The following TENM4 variants were observed in gnomAD, a reference collection of about 807,000 sequenced individuals.
TENM4 encodes teneurin-4.
A neutral mutation model predicts 243.3 loss-of-function variants in TENM4; 82 were observed. The ratio of observed to expected loss-of-function variants is 0.34; its 90% CI spans 0.28 to 0.40. TENM4 has a LOEUF of 0.40. Among genes scored for constraint, TENM4 ranks in the 10% least tolerant of loss-of-function variants. The probability of loss-of-function intolerance (pLI) is 1.00; values close to 1 mark genes in which losing one functional copy is unlikely to be tolerated. For missense variants in TENM4, 3,138 were observed against 3,673.3 expected (o/e 0.85, Z 3.77); for synonymous variants, 1,412 against 1,456.3 (o/e 0.97, Z 0.69).
chr11:79,067,492 G>T (rs1194850674), intron 5 of TENM4, among the ~76,000 whole-genome samples: 1 of 152,152 alleles, frequency 6.6e-6, no homozygotes, highest in Non-Finnish European at 1.5e-5. Flanking sequence ...TACATTAAGT[G>T]AAAAATCAAA....
chr11:79,404,524 A>G (rs974174904), intron 1 of TENM4, among the ~76,000 whole-genome samples: 2 of 152,260 alleles, frequency 1.3e-5, no homozygotes, highest in Non-Finnish European at 2.9e-5. Flanking sequence ...TTGGACCTAC[A>G]TAGAGGCGAT....
intron 6 of TENM4, among the ~76,000 whole-genome samples, chr11:78,940,390 G>A (rs1438422710): frequency 6.6e-6 from 1 of 152,138 alleles, no homozygotes; most frequent in African/African-American, 2.4e-5. Flanking sequence ...TTCTGCCAAG[G>A]GGTAGGCTAA....
At chr11:79,126,856 C>A in intron 4 of TENM4, among the ~76,000 whole-genome samples, 1 of 152,112 alleles carries the variant, frequency 6.6e-6, no homozygotes, top group Admixed American at 6.6e-5. Flanking sequence ...AGACATCTGG[C>A]CTTTTACTAC....
chr11:78,997,929 C>G (rs1268482559), intron 6 of TENM4, among the ~76,000 whole-genome samples: 1 of 152,176 alleles, frequency 6.6e-6, no homozygotes, highest in Admixed American at 6.5e-5. Context: ...AGTCTTCTCT[C>G]TCTCTTCTCT....
intron 2 of TENM4, among the ~76,000 whole-genome samples, chr11:79,292,581 A>G (rs1856374819): frequency 6.6e-6 from 1 of 152,202 alleles, no homozygotes; most frequent in Non-Finnish European, 1.5e-5. Flanking sequence ...AATGGATTTG[A>G]ATGGTAGCTT....
intron 6 of TENM4, among the ~76,000 whole-genome samples, chr11:78,926,565 C>A (rs1012866680): frequency 1.3e-5 from 2 of 151,984 alleles, no homozygotes; most frequent in African/African-American, 2.4e-5. Flanking sequence ...AACCACTATG[C>A]CTGGCCAGAA....
At chr11:79,129,966 A>G (rs1861967650) in intron 4 of TENM4, among the ~76,000 whole-genome samples, 1 of 152,002 alleles carries the variant, frequency 6.6e-6, no homozygotes, top group Admixed American at 6.6e-5. Flanking sequence ...AAAGCTAAGA[A>G]CCCTCACAGA....
intron 32 of TENM4, among the ~76,000 whole-genome samples, chr11:78,666,006 T>C (rs1858148458): frequency 1.3e-5 from 2 of 152,080 alleles, no homozygotes; most frequent in African/African-American, 4.8e-5. Flanking sequence ...CCTATCTCAC[T>C]GGAATACATC....
chr11:79,029,194 T>C (rs1859163668), intron 6 of TENM4, among the ~76,000 whole-genome samples: 1 of 152,218 alleles, frequency 6.6e-6, no homozygotes, highest in Non-Finnish European at 1.5e-5. Context: ...TTTTTGACTA[T>C]CTTTACTATC....
chr11:79,195,476 G>C (rs1863606002), intron 3 of TENM4, among the ~76,000 whole-genome samples: 1 of 152,210 alleles, frequency 6.6e-6, no homozygotes, highest in Admixed American at 6.5e-5. Context: ...AGTTGCCCAA[G>C]ACCATGGGAA....
intron 4 of TENM4, among the ~76,000 whole-genome samples, chr11:79,073,283 C>T (rs1860462686): frequency 6.6e-6 from 1 of 152,190 alleles, no homozygotes; most frequent in Non-Finnish European, 1.5e-5. Flanking sequence ...CACCTCGCTT[C>T]CATCTTGCTG....
intron 6 of TENM4, among the ~76,000 whole-genome samples, chr11:79,044,335 A>C (rs1246040243): frequency 6.6e-6 from 1 of 152,250 alleles, no homozygotes; most frequent in African/African-American, 2.4e-5. Flanking sequence ...CAGGGCACTA[A>C]TAAAAACATC....
At chr11:78,800,733 AGG>A (rs535076807) in intron 15 of TENM4, among the ~76,000 whole-genome samples, 39 of 105,502 alleles carry the variant, frequency 3.7e-4, no homozygotes, top group Non-Finnish European at 6.2e-5. Context: ...CAGAGTTCAC[AGG>A]GGAGAGAGAG....
chr11:78,768,101 T>A (rs1856573302), intron 18 of TENM4, among the ~76,000 whole-genome samples: 1 of 152,270 alleles, frequency 6.6e-6, no homozygotes, highest in African/African-American at 2.4e-5. Flanking sequence ...CCAATGAGGA[T>A]AACCCTTACT....
chr11:79,117,334 G>A (rs1400582684), intron 4 of TENM4, among the ~76,000 whole-genome samples: 1 of 152,140 alleles, frequency 6.6e-6, no homozygotes, highest in Non-Finnish European at 1.5e-5. Context: ...TTCTTGGTTG[G>A]CCTACATAGG....
intron 17 of TENM4, 119 bp from the exon 18 acceptor site, chr11:78,771,257 C>T (rs1856641948): frequency 2.4e-6 from 3 of 1,250,566 alleles, no homozygotes; most frequent in East Asian, 2.6e-5. Context: ...CACGAATGCC[C>T]ACAGCAGCCC....
At chr11:79,003,121 A>G (rs1461590146) in intron 6 of TENM4, among the ~76,000 whole-genome samples, 2 of 152,230 alleles carry the variant, frequency 1.3e-5, no homozygotes, top group Non-Finnish European at 2.9e-5. Context: ...AAGAAGAAAG[A>G]AGAATGAACA....
intron 6 of TENM4, among the ~76,000 whole-genome samples, chr11:79,029,204 C>T (rs953718091): frequency 4.6e-5 from 7 of 152,178 alleles, no homozygotes; most frequent in Admixed American, 1.3e-4. Flanking sequence ...TCTTTACTAT[C>T]TGCTGGGGAT....
intron 3 of TENM4, among the ~76,000 whole-genome samples, chr11:79,199,776 T>C (rs980451324): frequency 1.3e-5 from 2 of 152,124 alleles, no homozygotes; most frequent in African/African-American, 4.8e-5. Flanking sequence ...TCCCGGAGGG[T>C]TTAGTCCCAG....
Sources: gnomAD v4.1 joint callset for allele counts (sites outside exome capture counted in the v4.1 genomes callset) on GRCh38, gnomAD v4.1.1 for gene constraint, MANE v1.5 for transcripts, NCBI Gene and HGNC (gene_info 2026-07-23, HGNC 2026-07-21) for gene names.